Variants in WDR27 observed in about 807,000 individuals in gnomAD.
The protein encoded by WDR27 is WD repeat domain 27.
Under a neutral mutation model 114.4 loss-of-function variants are expected in WDR27, and 100 were observed. The observed-to-expected ratio is 0.87, with a 90% CI of 0.74 to 1.03. WDR27 has a LOEUF of 1.03. Ranked by LOEUF, WDR27 falls within the 50% of genes least tolerant of loss-of-function variation. The probability of loss-of-function intolerance (pLI) is 0.00; values close to 1 mark genes in which losing one functional copy is unlikely to be tolerated. For synonymous variants in WDR27, 449 were observed against 423.1 expected, an observed-to-expected ratio of 1.06 and a Z score of -0.75; for missense variants, 1,129 against 1,092.9, an observed-to-expected ratio of 1.03 and a Z score of -0.47.
chr6:169,688,276 C>T (rs4716379), intron 2 of WDR27, among the ~76,000 whole-genome samples: 9,983 of 152,076 alleles, frequency 0.066, 663 homozygotes, highest in East Asian at 0.19. Context: ...CAAAAAAGTA[C>T]GTAATGTATA....
At chr6:169,602,097 A>G in intron 23 of WDR27, 122 bp downstream of exon 23, 1 of 615,996 alleles carries the variant, frequency 1.6e-6, no homozygotes, top group Non-Finnish European at 2.6e-6. Context: ...AAGAGTCTTA[A>G]AATATTGACC....
chr6:169,429,642 C>G, the WDR27 span, among the ~76,000 whole-genome samples: 19 of 152,260 alleles, frequency 1.2e-4, no homozygotes, highest in African/African-American at 4.3e-4. Context: ...TCCCGCTTTG[C>G]TAAAGCACAA....
intron 25 of WDR27, among the ~76,000 whole-genome samples, chr6:169,556,795 T>C (rs1173412845): frequency 1.3e-5 from 2 of 152,124 alleles, no homozygotes; most frequent in Admixed American, 1.3e-4. Context: ...AATGGGCATA[T>C]AAGTATATGG....
rs1481854218 is a variant in WDR27, at chr6:169,665,562, G to A, written c.713-6C>T. The A allele has an allele frequency of 6.2e-7, 1 of 1,611,544 alleles. No individual in the cohort carries two copies. Among genetic ancestry groups the A allele is most frequent in the East Asian group, 2.2e-5 (1 of 44,836 alleles). On this transcript the variant is annotated splice_polypyrimidine_tract_variant and splice_region_variant and intron_variant, in intron 6 of 25. Transcript: ENST00000448612. ...TAAACTGAGAAGAGGATATGCTGGTGAAAGGAACATCGGAAAATTTAGCTT... is the reference window on the plus strand; with the variant it reads ...TAAACTGAGAAGAGGATATGCTGGTAAAAGGAACATCGGAAAATTTAGCTT...
At chr6:169,583,438 T>A (rs569670213) in intron 23 of WDR27, among the ~76,000 whole-genome samples, 1 of 150,120 alleles carries the variant, frequency 6.7e-6, no homozygotes, top group African/African-American at 2.4e-5. Context: ...TTTTTATAGC[T>A]GTTGATAAAT....
the WDR27 span, among the ~76,000 whole-genome samples, chr6:169,451,518 G>A: frequency 1.3e-5 from 2 of 152,192 alleles, no homozygotes; most frequent in East Asian, 3.8e-4. Flanking sequence ...TTGTGGACAT[G>A]TATATTCATT....
chr6:169,507,507 A>G (rs145325672), intron 25 of WDR27, among the ~76,000 whole-genome samples: 78 of 152,254 alleles, frequency 5.1e-4, no homozygotes, highest in African/African-American at 1.7e-3. Flanking sequence ...AACCTGGAGC[A>G]TATCAGCCAG....
intron 25 of WDR27, among the ~76,000 whole-genome samples, chr6:169,481,636 C>T (rs751016272): frequency 6.6e-6 from 1 of 152,132 alleles, no homozygotes; most frequent in African/African-American, 2.4e-5. Context: ...AGACGCACTG[C>T]CTTTATGAGC....
At chr6:169,604,051 A>G (rs189131660) in intron 22 of WDR27, among the ~76,000 whole-genome samples, 1 of 152,328 alleles carries the variant, frequency 6.6e-6, no homozygotes, top group East Asian at 1.9e-4. Flanking sequence ...CTCAAGGAAC[A>G]AGAAAAGCAT....
At chr6:169,627,233 T>A (rs1277650161) in intron 21 of WDR27, among the ~76,000 whole-genome samples, 2 of 152,220 alleles carry the variant, frequency 1.3e-5, no homozygotes, top group African/African-American at 2.4e-5. Context: ...TGAAAATAAA[T>A]GTATTACAAT....
chr6:169,701,134 G>T (rs1787882754), intron 1 of WDR27, among the ~76,000 whole-genome samples: 2 of 152,096 alleles, frequency 1.3e-5, no homozygotes, highest in Admixed American at 6.5e-5. Context: ...GTAAATTGTA[G>T]AAAATTTAGA....
intron 25 of WDR27, among the ~76,000 whole-genome samples, chr6:169,525,235 C>T (rs1266646674): frequency 2.0e-5 from 3 of 152,030 alleles, no homozygotes; most frequent in Non-Finnish European, 4.4e-5. Flanking sequence ...TCATTTCACC[C>T]CGGTTAAAAT....
Position 169,522,412 on chromosome 6 carries a change from C to A in WDR27, c.2645+50007G>T, listed in dbSNP as rs115890337. Among the ~76,000 whole-genome samples the A allele has an allele frequency of 3.4e-3, 516 of 152,078 alleles. 5 individuals carry two copies. Among genetic ancestry groups the A allele is most frequent in the African/African-American group, 0.012 (498 of 41,526 alleles). On this transcript the variant is annotated intron_variant, in intron 25 of 25. Coordinates refer to ENST00000448612, the MANE Select transcript of WDR27 (RefSeq NM_182552.5). ...ACCCCATTTTCAGTAATGAACAGAT[C>A]ATCCATACAGAAAATCAACAAATAT...
At chr6:169,507,282 G>A (rs1792122162) in intron 25 of WDR27, among the ~76,000 whole-genome samples, 2 of 152,138 alleles carry the variant, frequency 1.3e-5, no homozygotes, top group South Asian at 4.1e-4. Flanking sequence ...GGAGTTTGAG[G>A]TGGGGAAAGA....
chr6:169,465,732 A>G (rs758178752), intron 25 of WDR27, among the ~76,000 whole-genome samples: 5 of 152,256 alleles, frequency 3.3e-5, no homozygotes, highest in Non-Finnish European at 7.3e-5. Context: ...AAAGTCTGGC[A>G]CAGGCTAAAA....
intron 25 of WDR27, among the ~76,000 whole-genome samples, chr6:169,569,959 A>G (rs2294500): frequency 0.57 from 86,818 of 152,048 alleles, 27,242 homozygotes; most frequent in Non-Finnish European, 0.69. Context: ...CTGCCCAACT[A>G]TCTCCTGTTG....
At chr6:169,518,174 G>A (rs1016208316) in intron 25 of WDR27, among the ~76,000 whole-genome samples, 1 of 152,200 alleles carries the variant, frequency 6.6e-6, no homozygotes, top group Non-Finnish European at 1.5e-5. Flanking sequence ...GGCACAGGGT[G>A]CAAGCTGCCA....
At chr6:169,665,396 T>C in intron 7 of WDR27, 90 bp downstream of exon 7, 1 of 1,506,278 alleles carries the variant, frequency 6.6e-7, no homozygotes, top group Non-Finnish European at 8.9e-7. Context: ...CGCAGGAAAA[T>C]ACAAAGTAGC....
chr6:169,668,004 G>A lies in WDR27; in HGVS notation c.638C>T (p.Ala213Val), dbSNP rs374413081. Residue 213 changes from alanine to valine, a missense_variant, in exon 5 of 26, where the codon GCG becomes GTG. By Grantham distance (64) the Ala-to-Val change is moderately conservative. Transcript: ENST00000448612. ...CACCTTAAAGCCTCTGTCCTCAGAC[G>A]CCGAGATGAGGGTGCCTGCTCGCCA... is the stretch of plus-strand genomic sequence containing the variant. ...CPWRAGTLIS[A>V]SEDRGFKVWD... 1.9e-6 allele frequency: 3 copies of A among 1,613,542 alleles called. No homozygotes were observed. The highest frequency in any genetic ancestry group is 2.7e-5 in the African/African-American group (2 of 74,914).
Sources: gnomAD v4.1 joint callset for allele counts (sites outside exome capture counted in the v4.1 genomes callset) on GRCh38, gnomAD v4.1.1 for gene constraint, MANE v1.5 for transcripts, NCBI Gene and HGNC (gene_info 2026-07-23, HGNC 2026-07-21) for gene names.